Variants in KLHL29 observed in about 807,000 individuals in gnomAD.
The protein encoded by KLHL29 is kelch like family member 29, also known as kelch-like protein 29.
Under a neutral mutation model 80.4 loss-of-function variants are expected in KLHL29, and 21 were observed. The ratio of observed to expected loss-of-function variants is 0.26; its 90% CI spans 0.19 to 0.38. The LOEUF (loss-of-function observed/expected upper bound fraction) is 0.38, where lower values mean the gene tolerates loss of function less well. Among genes scored for constraint, KLHL29 ranks in the 10% least tolerant of loss-of-function variants. The pLI is 1.00. For synonymous variants in KLHL29, 511 were observed against 526.8 expected, an observed-to-expected ratio of 0.97 and a Z score of 0.41; for missense variants, 867 against 1,223.9, an observed-to-expected ratio of 0.71 and a Z score of 4.35.
intron 1 of KLHL29, among the ~76,000 whole-genome samples, chr2:23,446,242 C>A (rs1202396451): frequency 6.8e-6 from 1 of 147,806 alleles, no homozygotes; most frequent in Non-Finnish European, 1.5e-5. Context: ...TGATAGGGAT[C>A]CAGTTTTGTT....
chr2:23,532,166 C>G (rs1666510927), intron 2 of KLHL29, among the ~76,000 whole-genome samples: 2 of 152,242 alleles, frequency 1.3e-5, no homozygotes, highest in Admixed American at 6.5e-5. Flanking sequence ...TTAACCTTTC[C>G]TGGTGGGAGA....
At chr2:23,527,477 T>C (rs1311485906) in intron 2 of KLHL29, among the ~76,000 whole-genome samples, 1 of 152,232 alleles carries the variant, frequency 6.6e-6, no homozygotes, top group Non-Finnish European at 1.5e-5. Context: ...AGGGAAGGAC[T>C]GCCCTTTCCT....
intron 2 of KLHL29, among the ~76,000 whole-genome samples, chr2:23,486,862 G>A (rs1664943681): frequency 6.6e-6 from 1 of 152,148 alleles, no homozygotes; most frequent in Non-Finnish European, 1.5e-5. Flanking sequence ...CCCCTCCCCT[G>A]AGCTCAGGCA....
At chr2:23,644,307 A>T (rs1389955637) in intron 5 of KLHL29, 1 of 151,486 alleles carries the variant, frequency 6.6e-6, no homozygotes, top group African/African-American at 2.4e-5. Flanking sequence ...ACTTACTCCC[A>T]GTTCAAGTTC....
chr2:23,487,773 G>A (rs1664973839), intron 2 of KLHL29, among the ~76,000 whole-genome samples: 2 of 152,186 alleles, frequency 1.3e-5, no homozygotes. Context: ...GAAGGTCCCT[G>A]TTTTTTCTTC....
chr2:23,401,079 C>A (rs1254744066), intron 1 of KLHL29, among the ~76,000 whole-genome samples: 1 of 152,108 alleles, frequency 6.6e-6, no homozygotes, highest in Non-Finnish European at 1.5e-5. Flanking sequence ...AAGCCAGTTT[C>A]ACCTGAGGTC....
At chr2:23,554,558 C>T (rs1032150591) in intron 2 of KLHL29, among the ~76,000 whole-genome samples, 1 of 152,168 alleles carries the variant, frequency 6.6e-6, no homozygotes, top group Non-Finnish European at 1.5e-5. Flanking sequence ...ATCCTGTGTA[C>T]AGTGTGTACA....
chr2:23,615,040 CTCCCTAGAACCTGCGCT>C (rs1328156180), intron 3 of KLHL29, among the ~76,000 whole-genome samples: 1 of 152,250 alleles, frequency 6.6e-6, no homozygotes, highest in African/African-American at 2.4e-5. Flanking sequence ...GCTTAGCCCT[CTCCCTAGAACCTGCGCT>C]TCCTTTCACA....
chr2:23,528,827 C>T (rs1666406819), intron 2 of KLHL29, among the ~76,000 whole-genome samples: 1 of 152,230 alleles, frequency 6.6e-6, no homozygotes, highest in South Asian at 2.1e-4. Context: ...CCTGCCAGCG[C>T]AGCCTGACTC....
At chr2:23,455,198 AC>A (rs1664014283) in intron 1 of KLHL29, among the ~76,000 whole-genome samples, 1 of 152,148 alleles carries the variant, frequency 6.6e-6, no homozygotes, top group Non-Finnish European at 1.5e-5. Context: ...ATCTTGGCCC[AC>A]CCATAAAATT....
intron 2 of KLHL29, among the ~76,000 whole-genome samples, chr2:23,501,877 G>A (rs556952815): frequency 4.6e-5 from 7 of 152,216 alleles, no homozygotes; most frequent in South Asian, 4.1e-4. Flanking sequence ...AAGCCCCCTC[G>A]TGCCCCTTCC....
chr2:23,636,434 A>G (rs530174089), intron 3 of KLHL29, among the ~76,000 whole-genome samples: 19 of 151,006 alleles, frequency 1.3e-4, no homozygotes, highest in Admixed American at 6.6e-4. Flanking sequence ...CTCACCACAG[A>G]GCTGCTTTCT....
intron 3 of KLHL29, among the ~76,000 whole-genome samples, chr2:23,580,023 C>T (rs192323216): frequency 6.6e-6 from 1 of 152,290 alleles, no homozygotes; most frequent in East Asian, 1.9e-4. Flanking sequence ...TCTTTTTCCT[C>T]ATCTATAAAA....
At chr2:23,548,913 A>G (rs189962876) in intron 2 of KLHL29, among the ~76,000 whole-genome samples, 53 of 152,254 alleles carry the variant, frequency 3.5e-4, no homozygotes, top group African/African-American at 1.2e-3. Context: ...CTGGATTCTA[A>G]TTCGTCTCTG....
intron 3 of KLHL29, among the ~76,000 whole-genome samples, chr2:23,633,614 C>T (rs562783842): frequency 6.6e-6 from 1 of 152,152 alleles, no homozygotes; most frequent in South Asian, 2.1e-4. Context: ...TGACTAGTAA[C>T]CCTTGGTGAT....
At chr2:23,519,640 G>A (rs188968083) in intron 2 of KLHL29, among the ~76,000 whole-genome samples, 22 of 152,194 alleles carry the variant, frequency 1.4e-4, no homozygotes, top group African/African-American at 4.3e-4. Flanking sequence ...TTGAGGACTC[G>A]CCTGTGACAC....
chr2:23,405,822 A>G (rs1376399561), intron 1 of KLHL29, among the ~76,000 whole-genome samples: 2 of 152,188 alleles, frequency 1.3e-5, no homozygotes. Context: ...GGTCAAGCAG[A>G]ATGGGCTGGG....
rs386389703 is a variant in KLHL29 at position 23,605,107 on chromosome 2, CT to C, written c.286-34010del. Among the ~76,000 whole-genome samples, 407 of 92,464 alleles carry C rather than the reference CT, an allele frequency of 4.4e-3. 1 individual carries two copies. Among genetic ancestry groups the C allele is most frequent in the African/African-American group, 0.014 (324 of 23,502 alleles). 60.7% of individuals were successfully genotyped at this position (92,464 alleles called of 152,430 possible). On this transcript the variant is annotated intron_variant, in intron 3 of 13. Coordinates refer to ENST00000486442, the MANE Select transcript of KLHL29 (RefSeq NM_052920.2). ...TGGCCCTGTTCTTTTTCCTTTGTTG[CT>C]TTTTTTTTTTTTTTTTTTTTTGGAG...
At chr2:23,550,311 A>G (rs1667091355) in intron 2 of KLHL29, among the ~76,000 whole-genome samples, 1 of 152,158 alleles carries the variant, frequency 6.6e-6, no homozygotes, top group Non-Finnish European at 1.5e-5. Flanking sequence ...GTGGAGCGCC[A>G]GAACAGGAAG....
Sources: gnomAD v4.1 joint callset for allele counts (sites outside exome capture counted in the v4.1 genomes callset) on GRCh38, gnomAD v4.1.1 for gene constraint, MANE v1.5 for transcripts, NCBI Gene and HGNC (gene_info 2026-07-23, HGNC 2026-07-21) for gene names.